The following OPHN1 variants were observed in gnomAD, a reference collection of about 807,000 sequenced individuals.
OPHN1 encodes oligophrenin-1.
In OPHN1, 11 loss-of-function variants were observed where a neutral mutation model predicts 60.7. The ratio of observed to expected loss-of-function variants is 0.18; its 90% CI spans 0.11 to 0.30. The LOEUF is 0.30. OPHN1 is among the 10% of genes least tolerant of loss of function. The probability of loss-of-function intolerance (pLI) is 1.00; values close to 1 mark genes in which losing one functional copy is unlikely to be tolerated. For synonymous variants in OPHN1, 226 were observed against 222.6 expected (o/e 1.02, Z -0.14); for missense variants, 449 against 611.0 (o/e 0.73, Z 2.80).
intron 3 of OPHN1, among the ~76,000 whole-genome samples, chrX:68,286,237 A>T (rs962705554): frequency 8.9e-6 from 1 of 111,837 alleles, no homozygotes; most frequent in Non-Finnish European, 1.9e-5. Flanking sequence ...TATAGTCTGC[A>T]TTCTTTGTCA....
chrX:68,258,714 A>C (rs1210851098), intron 5 of OPHN1, among the ~76,000 whole-genome samples: 1 of 110,225 alleles, frequency 9.1e-6, no homozygotes, highest in Non-Finnish European at 1.9e-5. Context: ...GTACATTCCC[A>C]GATTGCTTGA....
chrX:68,384,081 C>T (rs774596671), intron 2 of OPHN1, among the ~76,000 whole-genome samples: 4 of 111,407 alleles, frequency 3.6e-5, no homozygotes, highest in Admixed American at 1.9e-4. Context: ...ATAAATAATC[C>T]GGTATGAAAT....
chrX:68,074,800 T>C (rs929646429), intron 19 of OPHN1, among the ~76,000 whole-genome samples: 1 of 111,855 alleles, frequency 8.9e-6, no homozygotes, highest in South Asian at 3.9e-4. Flanking sequence ...CATAGAAGCA[T>C]GTCTGTCATG....
chrX:68,180,510 T>C (rs2077431986), intron 15 of OPHN1, among the ~76,000 whole-genome samples: 1 of 112,037 alleles, frequency 8.9e-6, no homozygotes, highest in African/African-American at 3.2e-5. Context: ...ATGTGCAAAC[T>C]TACTAAGTTG....
At chrX:68,146,596 G>A (rs1442138353) in intron 15 of OPHN1, among the ~76,000 whole-genome samples, 1 of 112,484 alleles carries the variant, frequency 8.9e-6, no homozygotes, top group Non-Finnish European at 1.9e-5. Flanking sequence ...GGCTCCACCT[G>A]ACGGTGATAA....
At chrX:68,299,418 G>A (rs2078110072) in intron 2 of OPHN1, among the ~76,000 whole-genome samples, 1 of 111,812 alleles carries the variant, frequency 8.9e-6, no homozygotes, top group East Asian at 2.8e-4. Flanking sequence ...ACTCTTAAGA[G>A]GGTCTCCTTA....
intron 2 of OPHN1, among the ~76,000 whole-genome samples, chrX:68,424,121 C>T (rs1204490031): frequency 9.1e-6 from 1 of 110,312 alleles, no homozygotes; most frequent in Admixed American, 9.8e-5. Context: ...GAGTCAAGAT[C>T]GTGCCACTGC....
intron 3 of OPHN1, among the ~76,000 whole-genome samples, chrX:68,287,132 A>G (rs868389138): frequency 1.1e-5 from 1 of 87,993 alleles, no homozygotes; most frequent in Non-Finnish European, 2.2e-5. Flanking sequence ...AGAGAGAGAA[A>G]GGAAGGAAGG....
At chrX:68,244,969 G>T (rs936124137) in intron 5 of OPHN1, among the ~76,000 whole-genome samples, 3 of 111,324 alleles carry the variant, frequency 2.7e-5, no homozygotes, top group African/African-American at 9.8e-5. Context: ...CAATATACTA[G>T]GTTATATACT....
At chrX:68,352,777 G>A (rs1055050521) in intron 2 of OPHN1, among the ~76,000 whole-genome samples, 4 of 111,866 alleles carry the variant, frequency 3.6e-5, no homozygotes, top group Non-Finnish European at 5.6e-5. Context: ...AAAGAGCAAC[G>A]AAGCAGGAGG....
intron 21 of OPHN1, among the ~76,000 whole-genome samples, chrX:68,054,202 T>C (rs916006079): frequency 6.4e-4 from 71 of 111,372 alleles, no homozygotes; most frequent in African/African-American, 2.3e-3. Flanking sequence ...GATGATGAAT[T>C]TGAATTGCTT....
In OPHN1 at chrX:68,432,851, G is replaced by C; in HGVS notation, c.154+16C>G. The C allele has an allele frequency of 8.3e-7, 1 of 1,210,438 alleles. No homozygotes were observed. Among genetic ancestry groups the C allele is most frequent in the Non-Finnish European group, 1.1e-6 (1 of 894,358 alleles). ...CACCAGCTCAGAGAAACAGCTCATC[G>C]AAGCCTTGCACTTACTTCTCATAGC... On this transcript the variant is annotated intron_variant, in intron 2 of 24. Transcript: ENST00000355520.
intron 2 of OPHN1, among the ~76,000 whole-genome samples, chrX:68,399,827 T>G (rs1180809388): frequency 1.9e-5 from 1 of 53,685 alleles, no homozygotes; most frequent in South Asian, 1.7e-3. Context: ...TTTTTTTTCT[T>G]TCTTTTTTTT....
At chrX:68,395,759 A>AT (rs997714908) in intron 2 of OPHN1, among the ~76,000 whole-genome samples, 6 of 109,963 alleles carry the variant, frequency 5.5e-5, no homozygotes, top group South Asian at 7.8e-4. Flanking sequence ...TAATTTTCTC[A>AT]TTTTTTTGTA....
At chrX:68,359,998 C>T (rs927393534) in intron 2 of OPHN1, among the ~76,000 whole-genome samples, 1 of 110,938 alleles carries the variant, frequency 9.0e-6, no homozygotes, top group Non-Finnish European at 1.9e-5. Context: ...TCAGCTTCCT[C>T]CTTTGTAAAA....
chrX:68,112,067 A>ATG (rs2077107132), intron 17 of OPHN1, 108 bp from the exon 18 acceptor site: 2 of 345,702 alleles, frequency 5.8e-6, no homozygotes, highest in South Asian at 4.0e-5. Context: ...ACATGCACAC[A>ATG]CACACACACA....
intron 3 of OPHN1, among the ~76,000 whole-genome samples, chrX:68,283,430 G>C (rs1406566234): frequency 8.9e-6 from 1 of 111,979 alleles, no homozygotes; most frequent in African/African-American, 3.2e-5. Context: ...GGTTTGCTGT[G>C]TAATTAATTG....
chrX:68,153,483 A>G (rs2147493357), intron 15 of OPHN1, among the ~76,000 whole-genome samples: 1 of 111,753 alleles, frequency 8.9e-6, no homozygotes, highest in African/African-American at 3.2e-5. Flanking sequence ...TTCAAATAAT[A>G]TGACTGAATA....
At chrX:68,265,028 C>T (rs1216756875) in intron 5 of OPHN1, among the ~76,000 whole-genome samples, 3 of 112,377 alleles carry the variant, frequency 2.7e-5, no homozygotes, top group Non-Finnish European at 5.6e-5. Context: ...ACAAAGCAGC[C>T]GGGAAGCTCA....
Sources: allele counts gnomAD v4.1 joint callset (sites outside exome capture counted in the v4.1 genomes callset), GRCh38; gene constraint gnomAD v4.1.1; transcripts MANE v1.5; gene names NCBI Gene and HGNC (gene_info 2026-07-23, HGNC 2026-07-21).